The following USP13 variants were observed in gnomAD, a reference collection of about 807,000 sequenced individuals.
USP13 encodes ubiquitin carboxyl-terminal hydrolase 13.
In USP13, 68 loss-of-function variants were observed where a neutral mutation model predicts 107.8. The observed-to-expected ratio is 0.63, with a 90% CI of 0.52 to 0.77. The LOEUF is 0.77. Ranked by LOEUF, USP13 falls within the 30% of genes least tolerant of loss-of-function variation. The probability of loss-of-function intolerance (pLI) is 0.00; values close to 1 mark genes in which losing one functional copy is unlikely to be tolerated. For synonymous variants in USP13, 377 were observed against 389.5 expected (o/e 0.97, Z 0.38); for missense variants, 945 against 1,093.3 (o/e 0.86, Z 1.91).
intron 1 of USP13, among the ~76,000 whole-genome samples, chr3:179,661,814 C>T (rs2879588): frequency 0.26 from 38,823 of 152,018 alleles, 6,070 homozygotes; most frequent in East Asian, 0.49. Context: ...GATTCTGATA[C>T]TGATTTTTCC....
At chr3:179,682,080 A>G in intron 2 of USP13, 77 bp downstream of exon 2, 5 of 1,503,302 alleles carry the variant, frequency 3.3e-6, no homozygotes, top group Non-Finnish European at 3.6e-6. Flanking sequence ...CTCACGTGGA[A>G]ATTTGACCAT....
chr3:179,732,165 A>G (rs2108505624), intron 10 of USP13, among the ~76,000 whole-genome samples: 1 of 152,308 alleles, frequency 6.6e-6, no homozygotes, highest in Non-Finnish European at 1.5e-5. Context: ...GTTACCCAGC[A>G]TTGTAAGATA....
intron 19 of USP13, among the ~76,000 whole-genome samples, chr3:179,779,833 C>A (rs1169163375): frequency 6.6e-6 from 1 of 151,838 alleles, no homozygotes. Context: ...AATTAAGAGG[C>A]CATTGTAGTA....
intron 19 of USP13, among the ~76,000 whole-genome samples, chr3:179,774,238 C>A (rs78691607): frequency 0.018 from 2,771 of 152,248 alleles, 70 homozygotes; most frequent in East Asian, 0.082. Context: ...CAGGAGAGGG[C>A]ACCAAGGTAT....
chr3:179,710,406 A>C (rs927071975), intron 6 of USP13, among the ~76,000 whole-genome samples: 1 of 152,184 alleles, frequency 6.6e-6, no homozygotes, highest in African/African-American at 2.4e-5. Context: ...CCGACTTTCT[A>C]TGCTGTCTTG....
intron 10 of USP13, among the ~76,000 whole-genome samples, chr3:179,737,502 T>C (rs1336841577): frequency 6.6e-6 from 1 of 152,240 alleles, no homozygotes; most frequent in Non-Finnish European, 1.5e-5. Flanking sequence ...TCGTGTCAGC[T>C]GATACTATGT....
intron 6 of USP13, among the ~76,000 whole-genome samples, chr3:179,712,590 T>C (rs911255521): frequency 7.9e-5 from 12 of 152,164 alleles, no homozygotes; most frequent in African/African-American, 2.7e-4. Flanking sequence ...TGCTATTAAA[T>C]ATTCTTCAGT....
At chr3:179,764,306 C>T in intron 18 of USP13, 138 bp downstream of exon 18, 15 of 1,290,242 alleles carry the variant, frequency 1.2e-5, no homozygotes, top group Non-Finnish European at 1.4e-5. Flanking sequence ...TCATCATAGC[C>T]CATAAAGATT....
intron 8 of USP13, among the ~76,000 whole-genome samples, chr3:179,728,221 C>A (rs1480817592): frequency 2.0e-5 from 3 of 147,318 alleles, no homozygotes; most frequent in African/African-American, 7.4e-5. Context: ...ACCTCCCTGC[C>A]AGACGAGGTG....
chr3:179,663,617 C>G (rs1199579728), intron 1 of USP13, among the ~76,000 whole-genome samples: 1 of 152,216 alleles, frequency 6.6e-6, no homozygotes, highest in South Asian at 2.1e-4. Flanking sequence ...ACACTACACT[C>G]TTGGATATTT....
rs372338400 is a variant in USP13, at chr3:179,715,222, C to A, written c.806-4718C>A. 6.0e-5 allele frequency among the ~76,000 whole-genome samples: 9 copies of A among 149,348 alleles called. No individual in the cohort carries two copies. The East Asian group carries it at 1.6e-3, about 26-fold the overall frequency. ...ATTTTTTTAAATTGAGACAGAATCT[C>A]ACTATGTTGCCCAGGCTGGTCTTGA... On this transcript the variant is annotated intron_variant, in intron 6 of 20. Transcript: ENST00000263966.
intron 14 of USP13, among the ~76,000 whole-genome samples, chr3:179,753,835 T>C (rs1714691998): frequency 6.6e-6 from 1 of 152,192 alleles, no homozygotes; most frequent in Admixed American, 6.5e-5. Context: ...ATTATTATCA[T>C]CTGAATATGT....
intron 8 of USP13, among the ~76,000 whole-genome samples, chr3:179,723,492 G>C (rs188145689): frequency 6.6e-6 from 1 of 152,286 alleles, no homozygotes; most frequent in East Asian, 1.9e-4. Context: ...TTCCATGATG[G>C]AGAAAGGAGG....
intron 10 of USP13, among the ~76,000 whole-genome samples, chr3:179,734,903 A>C (rs773244668): frequency 6.6e-6 from 1 of 152,168 alleles, no homozygotes; most frequent in Non-Finnish European, 1.5e-5. Context: ...CTGCTTGCTT[A>C]TTAATTAAAG....
intron 12 of USP13, 141 bp from the exon 13 acceptor site, chr3:179,744,902 G>T: frequency 1.1e-6 from 1 of 926,182 alleles, no homozygotes; most frequent in Non-Finnish European, 1.6e-6. Context: ...TTCAGCAGGG[G>T]CATCTGGCTC....
intron 19 of USP13, among the ~76,000 whole-genome samples, chr3:179,779,530 AAAC>A (rs532379538): frequency 3.3e-5 from 5 of 151,934 alleles, no homozygotes; most frequent in Non-Finnish European, 5.9e-5. Context: ...ACTCCATGTC[AAAC>A]AACAACAACA....
At chr3:179,722,407 A>C (rs758951896) in intron 8 of USP13, among the ~76,000 whole-genome samples, 1 of 152,184 alleles carries the variant, frequency 6.6e-6, no homozygotes, top group Non-Finnish European at 1.5e-5. Context: ...GAGCATTGGG[A>C]AATTGTAACA....
At chr3:179,735,907 G>A (rs896771032) in intron 10 of USP13, among the ~76,000 whole-genome samples, 1 of 152,064 alleles carries the variant, frequency 6.6e-6, no homozygotes, top group African/African-American at 2.4e-5. Flanking sequence ...GGGCACAGTG[G>A]CGTGTGTCTG....
chr3:179,715,367 C>CT (rs71182513), intron 6 of USP13, among the ~76,000 whole-genome samples: 8,010 of 136,186 alleles, frequency 0.059, 351 homozygotes, highest in Non-Finnish European at 0.081. Context: ...ATTTTTCTTT[C>CT]TTTTTTTTTT....
Sources: gnomAD v4.1 joint callset for allele counts (sites outside exome capture counted in the v4.1 genomes callset) on GRCh38, gnomAD v4.1.1 for gene constraint, MANE v1.5 for transcripts, NCBI Gene and HGNC (gene_info 2026-07-23, HGNC 2026-07-21) for gene names.